The following ENOX1 variants were observed in gnomAD, a reference collection of about 807,000 sequenced individuals.
The protein encoded by ENOX1 is candidate growth-related and time keeping constitutive hydroquinone (NADH) oxidase.
In ENOX1, 42 loss-of-function variants were observed where a neutral mutation model predicts 82.5. The observed-to-expected ratio is 0.51, with a 90% confidence interval of 0.40 to 0.66. The LOEUF is 0.66. Among genes scored for constraint, ENOX1 ranks in the 30% least tolerant of loss-of-function variants. The probability of loss-of-function intolerance (pLI) is 0.00; values close to 1 mark genes in which losing one functional copy is unlikely to be tolerated. For synonymous variants in ENOX1, 271 were observed against 282.2 expected (o/e 0.96, Z 0.40); for missense variants, 608 against 811.6 (o/e 0.75, Z 3.05).
At chr13:43,584,940 A>G (rs1246428915) in intron 2 of ENOX1, among the ~76,000 whole-genome samples, 1 of 152,204 alleles carries the variant, frequency 6.6e-6, no homozygotes, top group Admixed American at 6.5e-5. Context: ...AACTGGGATC[A>G]CTTTCTCCAC....
At chr13:43,667,426 T>C in intron 2 of ENOX1, 53 bp downstream of exon 2, 2 of 982,052 alleles carry the variant, frequency 2.0e-6, no homozygotes, top group African/African-American at 1.7e-5. Flanking sequence ...TCCCTTCCCA[T>C]ATGGTGACAA....
intron 2 of ENOX1, among the ~76,000 whole-genome samples, chr13:43,612,073 TC>T (rs1043460799): frequency 6.6e-6 from 1 of 152,200 alleles, no homozygotes; most frequent in Non-Finnish European, 1.5e-5. Context: ...ATTAAAGAGT[TC>T]CTGGTAATTT....
At chr13:43,763,328 G>A (rs748604360) in intron 1 of ENOX1, among the ~76,000 whole-genome samples, 13 of 152,100 alleles carry the variant, frequency 8.5e-5, no homozygotes, top group Non-Finnish European at 1.5e-4. Context: ...GGCTGTGTTC[G>A]TACCGCATTT....
intron 3 of ENOX1, among the ~76,000 whole-genome samples, chr13:43,452,713 G>T (rs966463137): frequency 3.3e-5 from 5 of 152,064 alleles, no homozygotes; most frequent in Non-Finnish European, 7.4e-5. Flanking sequence ...AGTAGAGATT[G>T]GGTTTCCCTA....
chr13:43,347,821 G>A (rs2049489410), intron 8 of ENOX1, among the ~76,000 whole-genome samples: 1 of 152,196 alleles, frequency 6.6e-6, no homozygotes, highest in Non-Finnish European at 1.5e-5. Context: ...ACTCTGAACT[G>A]GATGCAGTTT....
At chr13:43,633,236 G>T (rs1421705254) in intron 2 of ENOX1, among the ~76,000 whole-genome samples, 10 of 152,166 alleles carry the variant, frequency 6.6e-5, no homozygotes, top group Non-Finnish European at 1.5e-4. Context: ...TTTAAAGGTT[G>T]ATAATGTTCA....
At chr13:43,323,998 G>A (rs36042050) in intron 10 of ENOX1, among the ~76,000 whole-genome samples, 29,927 of 152,156 alleles carry the variant, frequency 0.2, 3,810 homozygotes, top group East Asian at 0.55. Context: ...GAGGTGGGGT[G>A]CAGGGGCACC....
chr13:43,714,994 T>G (rs1487384876), intron 1 of ENOX1, among the ~76,000 whole-genome samples: 1 of 152,242 alleles, frequency 6.6e-6, no homozygotes, highest in East Asian at 1.9e-4. Context: ...TGATGCAGTT[T>G]CTTCCTAGCC....
intron 11 of ENOX1, among the ~76,000 whole-genome samples, chr13:43,302,766 G>C (rs936454056): frequency 6.6e-6 from 1 of 152,178 alleles, no homozygotes; most frequent in Non-Finnish European, 1.5e-5. Flanking sequence ...CATGGGAACA[G>C]ATAATGCCAT....
chr13:43,473,737 C>T (rs1400866376), intron 3 of ENOX1, among the ~76,000 whole-genome samples: 3 of 152,134 alleles, frequency 2.0e-5, no homozygotes, highest in Non-Finnish European at 4.4e-5. Flanking sequence ...AATCTCCCTT[C>T]CTAGTCCTTA....
chr13:43,408,511 T>A (rs1307978584), intron 5 of ENOX1, among the ~76,000 whole-genome samples: 1 of 152,202 alleles, frequency 6.6e-6, no homozygotes, highest in African/African-American at 2.4e-5. Context: ...TTTAAGTCCC[T>A]TCTGAAACAT....
chr13:43,704,502 A>G (rs1391454134), intron 1 of ENOX1, among the ~76,000 whole-genome samples: 2 of 152,162 alleles, frequency 1.3e-5, no homozygotes, highest in Non-Finnish European at 2.9e-5. Flanking sequence ...ATCTACTTTT[A>G]TACATCTTTT....
At chr13:43,555,849 G>C (rs917370384) in intron 2 of ENOX1, among the ~76,000 whole-genome samples, 1 of 152,160 alleles carries the variant, frequency 6.6e-6, no homozygotes, top group African/African-American at 2.4e-5. Context: ...TTCATAATTC[G>C]CAAGTTGTAA....
intron 2 of ENOX1, among the ~76,000 whole-genome samples, chr13:43,534,188 A>T (rs1231621194): frequency 6.6e-6 from 1 of 152,112 alleles, no homozygotes; most frequent in East Asian, 1.9e-4. Flanking sequence ...TTCTCAAGAA[A>T]ACATAGTGGA....
chr13:43,647,761 T>C (rs938588928), intron 2 of ENOX1, among the ~76,000 whole-genome samples: 1 of 152,090 alleles, frequency 6.6e-6, no homozygotes, highest in African/African-American at 2.4e-5. Flanking sequence ...TATGGCAAAA[T>C]AGATTTTGCA....
chr13:43,449,864 G>A (rs1438716196), intron 3 of ENOX1, among the ~76,000 whole-genome samples: 3 of 152,172 alleles, frequency 2.0e-5, no homozygotes, highest in African/African-American at 7.2e-5. Flanking sequence ...CTGCTCCCTG[G>A]CAGCAGTTAT....
chr13:43,295,341 A>T (rs928517819), intron 12 of ENOX1, among the ~76,000 whole-genome samples: 4 of 152,180 alleles, frequency 2.6e-5, no homozygotes, highest in Non-Finnish European at 5.9e-5. Flanking sequence ...AACCTTTCAT[A>T]TTATTAAATT....
At chr13:43,338,004 T>C (rs2048814822) in intron 9 of ENOX1, among the ~76,000 whole-genome samples, 1 of 152,354 alleles carries the variant, frequency 6.6e-6, no homozygotes, top group Non-Finnish European at 1.5e-5. Flanking sequence ...TAATCAACCC[T>C]TCTGCACTGC....
At chr13:43,523,087 G>GAC (rs1172214356) in intron 2 of ENOX1, among the ~76,000 whole-genome samples, 3 of 152,036 alleles carry the variant, frequency 2.0e-5, no homozygotes, top group Admixed American at 2.0e-4. Context: ...AGTAATTCCT[G>GAC]ACACACACCA....
Sources: allele counts gnomAD v4.1 joint callset (sites outside exome capture counted in the v4.1 genomes callset), GRCh38; gene constraint gnomAD v4.1.1; transcripts MANE v1.5; gene names NCBI Gene and HGNC (gene_info 2026-07-23, HGNC 2026-07-21).